The following ACVR1 variants were observed in gnomAD, a reference collection of about 807,000 sequenced individuals.
ACVR1 encodes activin A receptor type 1.
ACVR1 carries 38 observed loss-of-function variants against 57.1 expected under a neutral mutation model. That is an observed-to-expected ratio of 0.67 (90% CI 0.51 to 0.87). The LOEUF is 0.87. ACVR1 is among the 40% of genes least tolerant of loss of function. The pLI is 0.00. For synonymous variants in ACVR1, 212 were observed against 228.1 expected (o/e 0.93, Z 0.63); for missense variants, 463 against 638.2 (o/e 0.73, Z 2.96).
chr2:157,793,013 T>C (rs1686978840), intron 3 of ACVR1, among the ~76,000 whole-genome samples: 1 of 152,186 alleles, frequency 6.6e-6, no homozygotes, highest in South Asian at 2.1e-4. Context: ...CAGTTTGCAG[T>C]GTTTTAAGAG....
chr2:157,819,962 A>G (rs540096110), intron 1 of ACVR1, among the ~76,000 whole-genome samples: 2 of 152,328 alleles, frequency 1.3e-5, no homozygotes, highest in East Asian at 3.9e-4. Context: ...TTTTGCCAAG[A>G]AAACCTTCAC....
At chr2:157,786,117 T>C (rs145815765) in intron 3 of ACVR1, among the ~76,000 whole-genome samples, 11 of 152,358 alleles carry the variant, frequency 7.2e-5, no homozygotes, top group Non-Finnish European at 1.6e-4. Context: ...GCCTTTCTAC[T>C]GTGCAGATTT....
intron 1 of ACVR1, among the ~76,000 whole-genome samples, chr2:157,850,427 T>C (rs910338843): frequency 1.5e-4 from 22 of 149,752 alleles, no homozygotes; most frequent in South Asian, 2.1e-4. Flanking sequence ...ACAGACTACA[T>C]AGACTCAGAC....
chr2:157,789,273 C>T (rs987541205), intron 3 of ACVR1, among the ~76,000 whole-genome samples: 1 of 152,220 alleles, frequency 6.6e-6, no homozygotes, highest in African/African-American at 2.4e-5. Context: ...TTCAAACACA[C>T]AATCCCTCCC....
chr2:157,855,208 G>A (rs1689467424), intron 1 of ACVR1, among the ~76,000 whole-genome samples: 1 of 147,968 alleles, frequency 6.8e-6, no homozygotes, highest in Non-Finnish European at 1.5e-5. Context: ...TTTGAGCTTA[G>A]GAGTTTGGGA....
At chr2:157,747,077 G>T (rs554908589) in intron 9 of ACVR1, among the ~76,000 whole-genome samples, 6 of 152,088 alleles carry the variant, frequency 3.9e-5, no homozygotes, top group Non-Finnish European at 5.9e-5. Flanking sequence ...AATGCATTCA[G>T]AAACTCAAAG....
chr2:157,767,021 A>ATTTTTC (rs1207427074), intron 7 of ACVR1, among the ~76,000 whole-genome samples: 6 of 150,368 alleles, frequency 4.0e-5, no homozygotes, highest in South Asian at 2.1e-4. Context: ...GTTGGAGAAG[A>ATTTTTC]TTTTTCTTTT....
chr2:157,773,357 A>G lies in ACVR1; in HGVS notation c.643+731T>C, dbSNP rs150802623. ...ACCCAGGAACCCCCAGTTCCTGGGA[A>G]TTTTTTCTGAGAACTCAAAAGAAAG... On this transcript the variant is annotated intron_variant, in intron 6 of 10. Transcript: ENST00000434821. Among the ~76,000 whole-genome samples the G allele has an allele frequency of 9.2e-5, 14 of 152,330 alleles. No individual in the cohort carries two copies. The East Asian group carries it at 2.7e-3, about 29-fold the overall frequency.
At chr2:157,742,057 A>G (rs1335649166) in intron 9 of ACVR1, among the ~76,000 whole-genome samples, 1 of 152,080 alleles carries the variant, frequency 6.6e-6, no homozygotes, top group South Asian at 2.1e-4. Flanking sequence ...AAATAGGTGC[A>G]TGTGGTGGCA....
At chr2:157,818,847 G>C (rs1468487017) in intron 1 of ACVR1, among the ~76,000 whole-genome samples, 4 of 151,952 alleles carry the variant, frequency 2.6e-5, no homozygotes, top group Non-Finnish European at 5.9e-5. Flanking sequence ...GGGAGGCCGA[G>C]GCGGGCGGAT....
chr2:157,801,383 C>A (rs940268451), intron 2 of ACVR1, among the ~76,000 whole-genome samples: 1 of 152,140 alleles, frequency 6.6e-6, no homozygotes, highest in African/African-American at 2.4e-5. Context: ...GACAAGTGTT[C>A]TAAAACCATT....
chr2:157,782,201 C>T (rs529541849), intron 3 of ACVR1, among the ~76,000 whole-genome samples: 1 of 152,336 alleles, frequency 6.6e-6, no homozygotes, highest in Non-Finnish European at 1.5e-5. Context: ...AAATAGTTCA[C>T]TGCCCACTGT....
chr2:157,750,653 T>C (rs1685149551), intron 9 of ACVR1, among the ~76,000 whole-genome samples: 1 of 151,854 alleles, frequency 6.6e-6, no homozygotes, highest in Admixed American at 6.6e-5. Context: ...ATACCAGATG[T>C]GCTGATATCA....
chr2:157,764,821 C>A (rs1290467836), intron 8 of ACVR1, among the ~76,000 whole-genome samples: 2 of 152,132 alleles, frequency 1.3e-5, no homozygotes, highest in Non-Finnish European at 2.9e-5. Flanking sequence ...CATGCTCTTT[C>A]AATGCTTATC....
At chr2:157,755,269 G>A (rs1372524293) in intron 9 of ACVR1, among the ~76,000 whole-genome samples, 1 of 152,042 alleles carries the variant, frequency 6.6e-6, no homozygotes, top group Non-Finnish European at 1.5e-5. Flanking sequence ...AGAGCAATCA[G>A]ACAAGACAAA....
intron 1 of ACVR1, among the ~76,000 whole-genome samples, chr2:157,834,103 T>A (rs1688688299): frequency 6.6e-6 from 1 of 152,206 alleles, no homozygotes; most frequent in Non-Finnish European, 1.5e-5. Context: ...TTAAATATAA[T>A]TTTGGATTAA....
intron 1 of ACVR1, among the ~76,000 whole-genome samples, chr2:157,844,355 C>T (rs537891143): frequency 2.8e-4 from 43 of 152,234 alleles, no homozygotes; most frequent in African/African-American, 9.6e-4. Flanking sequence ...CCACCCTGTC[C>T]CCACTGGGTT....
intron 1 of ACVR1, among the ~76,000 whole-genome samples, chr2:157,874,129 T>C (rs1690200223): frequency 6.6e-6 from 1 of 152,190 alleles, no homozygotes; most frequent in Admixed American, 6.5e-5. Context: ...TCCTTAGTCT[T>C]TGTCACCTAT....
chr2:157,745,660 A>G (rs1373025374), intron 9 of ACVR1, among the ~76,000 whole-genome samples: 1 of 152,224 alleles, frequency 6.6e-6, no homozygotes, highest in African/African-American at 2.4e-5. Flanking sequence ...CATTGTCCTA[A>G]ATGTTAAAAC....
Sources: allele counts gnomAD v4.1 joint callset (sites outside exome capture counted in the v4.1 genomes callset), GRCh38; gene constraint gnomAD v4.1.1; transcripts MANE v1.5; gene names NCBI Gene and HGNC (gene_info 2026-07-23, HGNC 2026-07-21).